The following PLEKHA5 variants were observed in gnomAD, a reference collection of about 807,000 sequenced individuals.
The protein encoded by PLEKHA5 is pleckstrin homology domain-containing family A member 5.
PLEKHA5 carries 55 observed loss-of-function variants against 181.9 expected under a neutral mutation model. The ratio of observed to expected loss-of-function variants is 0.30; its 90% CI spans 0.24 to 0.38. The LOEUF is 0.38. Among genes scored for constraint, PLEKHA5 ranks in the 10% least tolerant of loss-of-function variants. The pLI, the probability that PLEKHA5 is intolerant of heterozygous loss-of-function variation, is 1.00. For missense variants in PLEKHA5, 1,432 were observed against 1,549.5 expected (o/e 0.92, Z 1.27); for synonymous variants, 535 against 529.4 (o/e 1.01, Z -0.15).
At chr12:19,331,224 A>G (rs1565625995) in intron 20 of PLEKHA5, among the ~76,000 whole-genome samples, 1 of 152,206 alleles carries the variant, frequency 6.6e-6, no homozygotes, top group East Asian at 1.9e-4. Flanking sequence ...TACAGAGAAA[A>G]CAATTTGAGA....
chr12:19,219,098 A>T (rs370722127), intron 3 of PLEKHA5, among the ~76,000 whole-genome samples: 1 of 152,104 alleles, frequency 6.6e-6, no homozygotes, highest in African/African-American at 2.4e-5. Context: ...TTTTTTTTCT[A>T]ACCAAAAGAG....
chr12:19,167,222 C>T (rs2151589468), intron 3 of PLEKHA5, among the ~76,000 whole-genome samples: 1 of 151,960 alleles, frequency 6.6e-6, no homozygotes, highest in Middle Eastern at 3.4e-3. Flanking sequence ...AAGAATAGAG[C>T]CAGAGAGGTA....
At chr12:19,348,602 C>A in intron 25 of PLEKHA5, 83 bp downstream of exon 25, 1 of 1,042,514 alleles carries the variant, frequency 9.6e-7, no homozygotes, top group Non-Finnish European at 1.4e-6. Flanking sequence ...ATTCCATTTA[C>A]ATGTTGACTC....
chr12:19,179,971 A>T (rs564004419), intron 3 of PLEKHA5, among the ~76,000 whole-genome samples: 1 of 152,344 alleles, frequency 6.6e-6, no homozygotes, highest in Non-Finnish European at 1.5e-5. Flanking sequence ...AGTATCTAGG[A>T]CTACAGGCAT....
In PLEKHA5 at chr12:19,322,399, A is replaced by G. The variant is rs2153046302; in HGVS notation, c.2298+9A>G. Reference sequence around the variant, plus strand: ...AACTCCACAAGGAGAAAGTAGGACAATTATGTTTATTGTCTACAATTGATG... The same window carrying G: ...AACTCCACAAGGAGAAAGTAGGACAGTTATGTTTATTGTCTACAATTGATG... On this transcript the variant is annotated intron_variant, in intron 19 of 31. Transcript: ENST00000429027. The G allele has an allele frequency of 1.9e-6, 3 of 1,599,170 alleles. No individual in the cohort carries two copies. Among genetic ancestry groups the G allele is most frequent in the Admixed American group, 1.7e-5 (1 of 59,998 alleles).
At chr12:19,180,965 T>C (rs2048406303) in intron 3 of PLEKHA5, among the ~76,000 whole-genome samples, 2 of 151,480 alleles carry the variant, frequency 1.3e-5, no homozygotes, top group African/African-American at 4.9e-5. Flanking sequence ...AACTCCACAG[T>C]GCACAGTCAG....
intron 3 of PLEKHA5, chr12:19,201,554 T>TA (rs2054212850): frequency 6.6e-6 from 1 of 152,084 alleles, no homozygotes; most frequent in South Asian, 2.1e-4. Flanking sequence ...CATAACAGCC[T>TA]AACAGTGCAA....
chr12:19,143,978 G>A (rs957847879), intron 3 of PLEKHA5, among the ~76,000 whole-genome samples: 14 of 152,112 alleles, frequency 9.2e-5, no homozygotes. Context: ...GAAAATACAT[G>A]AGCTTTTTAG....
chr12:19,135,270 C>G (rs1019350351), intron 3 of PLEKHA5, among the ~76,000 whole-genome samples: 1 of 152,100 alleles, frequency 6.6e-6, no homozygotes, highest in African/African-American at 2.4e-5. Context: ...ACTTGCATCT[C>G]TGTAGGTGGT....
chr12:19,129,764 GC>G lies in PLEKHA5; in HGVS notation c.-35del. 6.6e-7 allele frequency: 1 copy of G among 1,511,386 alleles called. No homozygotes were observed. Among genetic ancestry groups the G allele is most frequent in the East Asian group, 2.4e-5 (1 of 40,874 alleles). The allele number at this position is 1,511,386 out of a possible 1,614,324, so 93.6% of individuals were successfully genotyped here. Reference sequence around the variant, plus strand: ...TCCTCCCTCGGCAGCCGCGGCGGCAGCAGGAGAAGGCGGCGGCGGCGGCTAG... The same window carrying G: ...TCCTCCCTCGGCAGCCGCGGCGGCAGAGGAGAAGGCGGCGGCGGCGGCTAG... On this transcript the variant is annotated 5_prime_UTR_variant, in exon 1 of 32. Coordinates refer to ENST00000429027, the MANE Select transcript of PLEKHA5 (RefSeq NM_001256470.2).
chr12:19,278,565 C>T (rs2075229871), intron 11 of PLEKHA5, among the ~76,000 whole-genome samples: 1 of 152,026 alleles, frequency 6.6e-6, no homozygotes, highest in Non-Finnish European at 1.5e-5. Flanking sequence ...GAGTAAATTG[C>T]TTTAGTACTA....
chr12:19,225,356 A>G (rs2059547566), intron 3 of PLEKHA5, among the ~76,000 whole-genome samples: 1 of 152,186 alleles, frequency 6.6e-6, no homozygotes. Flanking sequence ...TACTACATCT[A>G]AAACATCTGA....
Position 19,291,631 on chromosome 12 carries a change from TG to T in PLEKHA5, c.1984-11del. ...CTTTCTCTGTCCCTTTTTTCTTAATTGGTGCCTACTAGAATGAAATTCTTTC... is the reference window on the plus strand; with the variant it reads ...CTTTCTCTGTCCCTTTTTTCTTAATTGTGCCTACTAGAATGAAATTCTTTC... On this transcript the variant is annotated splice_polypyrimidine_tract_variant and intron_variant, in intron 14 of 31. Coordinates refer to ENST00000429027, the MANE Select transcript of PLEKHA5 (RefSeq NM_001256470.2). The T allele has an allele frequency of 1.4e-6, 2 of 1,474,072 alleles. No homozygotes were observed. Among genetic ancestry groups the T allele is most frequent in the Non-Finnish European group, 1.8e-6 (2 of 1,095,004 alleles). The allele number at this position is 1,474,072 out of a possible 1,614,324, so 91.3% of individuals were successfully genotyped here.
In PLEKHA5 at chr12:19,260,952, A is replaced by G; in HGVS notation, c.541A>G (p.Ser181Gly). ...TAAATATGCTGATTTAATCCAGGAC[A>G]GTACTGGCATGAAATTGTGGAAGAA... The part of the protein sequence containing the change: ...VRRGWLYKQD[S>G]TGMKLWKKRW... The change falls in exon 7 of 32, where the codon AGT becomes GGT. Residue 181 changes from serine (S) to glycine (G), a missense_variant. By Grantham distance (56) the Ser-to-Gly change is moderately conservative. Around this residue, in one of 2 missense-constraint regions of PLEKHA5, gnomAD observed 289 missense variants for 381.1 expected, o/e 0.76. Transcript: ENST00000429027. The G allele has an allele frequency of 6.3e-7, 1 of 1,580,796 alleles. No homozygotes were observed.
At chr12:19,264,543 C>G (rs542553292) in intron 7 of PLEKHA5, among the ~76,000 whole-genome samples, 1 of 152,266 alleles carries the variant, frequency 6.6e-6, no homozygotes, top group South Asian at 2.1e-4. Flanking sequence ...TGACTGCTTT[C>G]CAACTCTTTT....
intron 3 of PLEKHA5, among the ~76,000 whole-genome samples, chr12:19,173,001 C>CTTTTTTTTT (rs2046289449): frequency 2.9e-5 from 1 of 35,066 alleles, no homozygotes; most frequent in Admixed American, 4.3e-4. Flanking sequence ...ACTGATTTCC[C>CTTTTTTTTT]TTTCTTTTTT....
intron 5 of PLEKHA5, 51 bp downstream of exon 5, chr12:19,255,216 A>G (rs746028212): frequency 7.9e-6 from 9 of 1,143,814 alleles, no homozygotes; most frequent in African/African-American, 1.5e-5. Context: ...AACAGTATCT[A>G]TACCGTTACT....
At chr12:19,291,529 A>G (rs1239083774) in intron 14 of PLEKHA5, 115 bp from the exon 15 acceptor site, 3 of 609,964 alleles carry the variant, frequency 4.9e-6, no homozygotes, top group Non-Finnish European at 8.6e-6. Context: ...GTTGTCGTGT[A>G]CTGTGATATA....
chr12:19,335,229 C>G (rs1176051632), intron 20 of PLEKHA5, among the ~76,000 whole-genome samples: 1 of 151,326 alleles, frequency 6.6e-6, no homozygotes, highest in Non-Finnish European at 1.5e-5. Flanking sequence ...GATGGGGTCT[C>G]TCTATGTTGC....
Sources: allele counts gnomAD v4.1 joint callset (sites outside exome capture counted in the v4.1 genomes callset), GRCh38; gene constraint gnomAD v4.1.1; regional missense constraint gnomAD v4.1.1; transcripts MANE v1.5; gene names NCBI Gene and HGNC (gene_info 2026-07-23, HGNC 2026-07-21).